MYO16: variants seen among roughly 807,000 people sequenced by gnomAD.
MYO16 encodes the protein myosin XVI.
A neutral mutation model predicts 205.3 loss-of-function variants in MYO16; 94 were observed. The observed-to-expected ratio is 0.46, with a 90% CI of 0.39 to 0.54. The LOEUF is 0.54. Among genes scored for constraint, MYO16 ranks in the 20% least tolerant of loss-of-function variants. The pLI is 0.00. For synonymous variants in MYO16, 988 were observed against 954.0 expected (o/e 1.04, Z -0.66); for missense variants, 2,315 against 2,387.5 (o/e 0.97, Z 0.63).
intron 2 of MYO16, among the ~76,000 whole-genome samples, chr13:108,679,120 A>G (rs987524798): frequency 3.3e-5 from 5 of 152,172 alleles, no homozygotes; most frequent in African/African-American, 9.6e-5. Context: ...GGGCTTCAAC[A>G]TAAGAATATT....
chr13:108,532,740 A>G, the MYO16 span, among the ~76,000 whole-genome samples: 2,073 of 152,158 alleles, frequency 0.014, 44 homozygotes, highest in African/African-American at 0.043. Context: ...GCAGTGAACT[A>G]TGATTGCATC....
At chr13:108,582,327 C>T in the MYO16 span, among the ~76,000 whole-genome samples, 3 of 152,098 alleles carry the variant, frequency 2.0e-5, no homozygotes, top group Non-Finnish European at 4.4e-5. Context: ...TGGTACAAGT[C>T]TACCCAGTTC....
chr13:108,534,881 T>C, the MYO16 span, among the ~76,000 whole-genome samples: 2 of 150,356 alleles, frequency 1.3e-5, no homozygotes, highest in African/African-American at 4.9e-5. Context: ...TCCTTCTTCT[T>C]CTTCTCCTCT....
At chr13:108,819,769 G>A (rs1015601866) in intron 7 of MYO16, among the ~76,000 whole-genome samples, 1 of 152,068 alleles carries the variant, frequency 6.6e-6, no homozygotes, top group Admixed American at 6.6e-5. Flanking sequence ...GGTTCCTGCT[G>A]CCCATGTTGC....
intron 1 of MYO16, among the ~76,000 whole-genome samples, chr13:108,610,000 T>C (rs1229095313): frequency 1.3e-5 from 2 of 151,904 alleles, no homozygotes; most frequent in African/African-American, 4.8e-5. Flanking sequence ...TTTCATAAAG[T>C]ATATAAGAGA....
In MYO16 at chr13:108,820,357, C is replaced by T; in HGVS notation, c.888C>T (p.Leu296=). The T allele has an allele frequency of 2.5e-6, 4 of 1,603,808 alleles. No homozygotes were observed. The highest frequency in any genetic ancestry group is 3.4e-6 in the Non-Finnish European group (4 of 1,174,820). ...KYGQTNLVKL[L]LMHQANPHLV... ...TTCAGACAAATCTGGTGAAACTTCT[C>T]CTGATGCATCAGGCAAACCCACACC... Residue 296 remains leucine, a synonymous_variant, in exon 8 of 35, where the codon CTC becomes CTT. Coordinates refer to ENST00000457511, the MANE Select transcript of MYO16 (RefSeq NM_001198950.3).
chr13:108,620,919 T>C (rs752173633), intron 1 of MYO16, among the ~76,000 whole-genome samples: 6 of 152,172 alleles, frequency 3.9e-5, no homozygotes, highest in Non-Finnish European at 5.9e-5. Flanking sequence ...GAACAGAGCC[T>C]CCCATCCCCA....
At chr13:108,594,937 A>G (rs1025854145), upstream of MYO16, among the ~76,000 whole-genome samples, 10 of 152,172 alleles carry the variant, frequency 6.6e-5, no homozygotes, top group Middle Eastern at 3.2e-3. Context: ...GAGAGGAATA[A>G]TTTTTTGCCT....
intron 1 of MYO16, among the ~76,000 whole-genome samples, chr13:108,603,318 G>GAGAT (rs1419226686): frequency 2.6e-5 from 4 of 152,140 alleles, no homozygotes; most frequent in Non-Finnish European, 5.9e-5. Flanking sequence ...TTTCCTAATA[G>GAGAT]AGATAGTGCA....
chr13:108,772,539 G>C (rs1886000918), intron 4 of MYO16, among the ~76,000 whole-genome samples: 1 of 151,920 alleles, frequency 6.6e-6, no homozygotes. Flanking sequence ...GGAGACTAAA[G>C]AGAAAGGACC....
upstream of MYO16, among the ~76,000 whole-genome samples, chr13:108,593,028 G>A (rs74117264): frequency 0.028 from 4,200 of 152,164 alleles, 187 homozygotes; most frequent in African/African-American, 0.094. Context: ...GTCCCTGTGA[G>A]CGCAGGTGGA....
chr13:109,154,520 T>G (rs1463160815), intron 32 of MYO16, among the ~76,000 whole-genome samples: 2 of 152,210 alleles, frequency 1.3e-5, no homozygotes, highest in Non-Finnish European at 2.9e-5. Context: ...GCTGTAATTT[T>G]TCTTTTTCTT....
chr13:108,763,741 T>A (rs1885687042), intron 4 of MYO16, among the ~76,000 whole-genome samples: 1 of 151,216 alleles, frequency 6.6e-6, no homozygotes, highest in Non-Finnish European at 1.5e-5. Context: ...CTTTGAGAAG[T>A]CTAAGAGACA....
At chr13:108,843,457 G>C (rs958711012) in intron 9 of MYO16, among the ~76,000 whole-genome samples, 6 of 151,826 alleles carry the variant, frequency 4.0e-5, no homozygotes, top group African/African-American at 1.5e-4. Context: ...AAACAACAAA[G>C]GGTGAATTTT....
chr13:108,665,080 A>G (rs999505850), intron 1 of MYO16, among the ~76,000 whole-genome samples: 1 of 152,108 alleles, frequency 6.6e-6, no homozygotes, highest in Non-Finnish European at 1.5e-5. Context: ...TGTATCATAT[A>G]AGGAGTTGAT....
At chr13:108,819,119 C>T (rs1875808165) in intron 7 of MYO16, among the ~76,000 whole-genome samples, 1 of 152,002 alleles carries the variant, frequency 6.6e-6, no homozygotes. Context: ...TACATATATC[C>T]TGAAGAAAGT....
the MYO16 span, among the ~76,000 whole-genome samples, chr13:108,546,396 C>T: frequency 6.6e-6 from 1 of 152,088 alleles, no homozygotes; most frequent in Non-Finnish European, 1.5e-5. Context: ...CAAGAGGACC[C>T]TGAAGGTGCA....
At chr13:108,588,786 C>T in the MYO16 span, among the ~76,000 whole-genome samples, 2 of 152,072 alleles carry the variant, frequency 1.3e-5, no homozygotes, top group African/African-American at 4.8e-5. Context: ...CCTCAGGTTG[C>T]ATGATTGCCA....
Position 109,125,280 on chromosome 13 carries a change from G to A in MYO16, c.3704G>A (p.Arg1235Gln), listed in dbSNP as rs371724164. The A allele has an allele frequency of 3.3e-5, 54 of 1,613,964 alleles. No individual in the cohort carries two copies. Among genetic ancestry groups the A allele is most frequent in the East Asian group, 6.7e-5 (3 of 44,892 alleles). The part of the protein sequence containing the change: ...NASDIAREND[R>Q]LRSEMNAPYH... ...TCAGACATTGCCCGGGAAAATGACC[G>A]GCTCCGTAGTGAAATGAACGCTCCC... The change falls in exon 30 of 35, where the codon CGG becomes CAG. Residue 1235 changes from arginine to glutamine, a missense_variant. Around this residue, in one of 3 missense-constraint regions of MYO16, gnomAD observed 1,097 missense variants for 1,092.0 expected, o/e 1.00. Coordinates refer to ENST00000457511, the MANE Select transcript of MYO16 (RefSeq NM_001198950.3). The surrounding 1 kb of genome is among the most constrained non-coding windows in gnomAD (Gnocchi z 4.0).
Sources: allele counts gnomAD v4.1 joint callset (sites outside exome capture counted in the v4.1 genomes callset), GRCh38; gene constraint gnomAD v4.1.1; regional missense constraint gnomAD v4.1.1; non-coding constraint Gnocchi (gnomAD v3.1); transcripts MANE v1.5; gene names NCBI Gene and HGNC (gene_info 2026-07-23, HGNC 2026-07-21).